Variants in ACSM6 observed in about 807,000 individuals in gnomAD.
ACSM6 encodes acyl-CoA synthetase medium chain family member 6, also known as acyl-coenzyme A synthetase ACSM6, mitochondrial.
Under a neutral mutation model 51.1 loss-of-function variants are expected in ACSM6, and 35 were observed. The observed-to-expected ratio is 0.69, with a 90% confidence interval of 0.52 to 0.91. The LOEUF is 0.91. ACSM6 is among the 40% of genes least tolerant of loss of function. The pLI is 0.00. For missense variants in ACSM6, 509 were observed against 584.1 expected, an observed-to-expected ratio of 0.87 and a Z score of 1.32; for synonymous variants, 172 against 207.3, an observed-to-expected ratio of 0.83 and a Z score of 1.46.
intron 3 of ACSM6, among the ~76,000 whole-genome samples, chr10:95,206,595 C>CAAGCA (rs1171697747): frequency 1.3e-5 from 2 of 152,146 alleles, no homozygotes; most frequent in Non-Finnish European, 2.9e-5. Flanking sequence ...TACTGCAAGA[C>CAAGCA]AAGCAAGGTC....
intron 9 of ACSM6, among the ~76,000 whole-genome samples, chr10:95,221,470 C>T (rs1309504834): frequency 6.6e-6 from 1 of 152,108 alleles, no homozygotes; most frequent in Non-Finnish European, 1.5e-5. Context: ...CCTGTAATCT[C>T]AGCTACTCAG....
At position 95,194,317 on chromosome 10, in the gene ACSM6, C is replaced by G; in HGVS notation, c.-22+14C>G. 3.2e-6 allele frequency: 2 copies of G among 626,426 alleles called. No individual in the cohort carries two copies. The highest frequency in any genetic ancestry group is 5.4e-6 in the Non-Finnish European group (2 of 370,334). The allele number at this position is 626,426 out of a possible 1,614,324, so 38.8% of individuals were successfully genotyped here. On this transcript the variant is annotated intron_variant, in intron 1 of 10. Coordinates refer to ENST00000341686, the Ensembl canonical transcript of ACSM6. ...CTCTTGGAATTGGTAAGTATCTGTG[C>G]TCATGGGCTTCTTCTCCAATGATCT...
chr10:95,206,374 A>G (rs998886309), intron 3 of ACSM6, among the ~76,000 whole-genome samples: 1 of 152,192 alleles, frequency 6.6e-6, no homozygotes, highest in East Asian at 1.9e-4. Flanking sequence ...GTGTAAATAT[A>G]TATACTATAT....
At position 95,207,471 on chromosome 10, in the gene ACSM6, G is replaced by C. The variant is rs114331753; in HGVS notation, c.611+56G>C. 8.4e-5 allele frequency: 130 copies of C among 1,553,536 alleles called. No homozygotes were observed. The African/African-American group carries it at 1.6e-3, about 20-fold the overall frequency. The stretch of plus-strand genomic sequence containing the variant: ...ATGAAGGAAATGTTTGACTTTGAAA[G>C]ATGATGATATATGAGAAAGTGGTGT... On this transcript the variant is annotated intron_variant, in intron 4 of 10. Coordinates refer to ENST00000341686, the Ensembl canonical transcript of ACSM6.
intron 2 of ACSM6, among the ~76,000 whole-genome samples, chr10:95,198,182 T>C (rs944347318): frequency 6.6e-6 from 1 of 151,946 alleles, no homozygotes; most frequent in South Asian, 2.1e-4. Context: ...CCTTTCTACA[T>C]AGACACAGTA....
chr10:95,219,741 C>G, intron 8 of ACSM6, 150 bp from the exon 9 acceptor site: 2 of 574,084 alleles, frequency 3.5e-6, no homozygotes, highest in East Asian at 5.8e-5. Flanking sequence ...TAGTCACACT[C>G]CTGCTTGATT....
At chr10:95,228,644 G>A in exon 11 of ACSM6, 1 of 1,550,822 alleles carries the variant, frequency 6.4e-7, no homozygotes, top group Non-Finnish European at 8.7e-7. Context: ...ATTCTATCAG[G>A]TGAGCTGGGA....
chr10:95,213,328 C>A (rs938371092), intron 7 of ACSM6, among the ~76,000 whole-genome samples: 2 of 152,014 alleles, frequency 1.3e-5, no homozygotes, highest in South Asian at 2.1e-4. Flanking sequence ...TCAGAGCAAA[C>A]GGGAAATGAG....
chr10:95,210,445 C>T (rs556581429), intron 4 of ACSM6, among the ~76,000 whole-genome samples: 1 of 152,232 alleles, frequency 6.6e-6, no homozygotes, highest in East Asian at 1.9e-4. Flanking sequence ...CGTATAAATG[C>T]ATCATATATT....
At chr10:95,212,825 G>A in intron 6 of ACSM6, 33 bp from the exon 7 acceptor site, 1 of 1,524,970 alleles carries the variant, frequency 6.6e-7, no homozygotes, top group Non-Finnish European at 9.1e-7. Context: ...CACCTCACAT[G>A]CAGATTTTGT....
At chr10:95,202,154 C>T (rs897652019) in exon 3 of ACSM6, 4 of 1,552,306 alleles carry the variant, frequency 2.6e-6, no homozygotes, top group South Asian at 1.2e-5. Context: ...TTGCCCCCAA[C>T]ACCTGAAGCC....
At chr10:95,200,748 GAAGTT>G (rs1334230700) in intron 2 of ACSM6, among the ~76,000 whole-genome samples, 3 of 151,622 alleles carry the variant, frequency 2.0e-5, no homozygotes, top group African/African-American at 7.3e-5. Flanking sequence ...AAGGAAGAAA[GAAGTT>G]AAGTTCAGAA....
At chr10:95,197,201 G>T (rs1234929746) in intron 2 of ACSM6, among the ~76,000 whole-genome samples, 1 of 152,132 alleles carries the variant, frequency 6.6e-6, no homozygotes, top group African/African-American at 2.4e-5. Context: ...TCATGAAGGG[G>T]TGGCCTGCCC....
At chr10:95,225,786 G>A (rs689207) in intron 10 of ACSM6, 81,452 of 154,676 alleles carry the variant, frequency 0.53, 22,392 homozygotes, top group Middle Eastern at 0.66. Flanking sequence ...ATTGTACTCA[G>A]ATGTGTTTTA....
At chr10:95,201,823 T>C (rs1014866330) in intron 2 of ACSM6, among the ~76,000 whole-genome samples, 162 bp from the exon 3 acceptor site, 2 of 152,092 alleles carry the variant, frequency 1.3e-5, no homozygotes, top group Non-Finnish European at 2.9e-5. Flanking sequence ...CAGTAAACAG[T>C]AAATATTTCT....
rs74902990 is a variant in ACSM6 at position 95,197,837 on chromosome 10, A to G, written c.192+3160A>G. 4.9e-3 allele frequency among the ~76,000 whole-genome samples: 736 copies of G among 151,750 alleles called. 7 individuals are homozygous for G. The highest frequency in any genetic ancestry group is 0.01 in the South Asian group (49 of 4,810). ...CCACGAGGCCATATTTCAGACTATC[A>G]CATGGGGAGAAACCTTGGACGATAC... On this transcript the variant is annotated intron_variant, in intron 2 of 10. Coordinates refer to ENST00000341686, the Ensembl canonical transcript of ACSM6.
chr10:95,213,505 G>A (rs1179193026), intron 7 of ACSM6, among the ~76,000 whole-genome samples: 1 of 152,100 alleles, frequency 6.6e-6, no homozygotes, highest in African/African-American at 2.4e-5. Flanking sequence ...AGTGAAACTT[G>A]CATTTTTTTC....
chr10:95,227,842 C>T (rs1212493351), intron 10 of ACSM6, among the ~76,000 whole-genome samples: 3 of 152,060 alleles, frequency 2.0e-5, no homozygotes, highest in Non-Finnish European at 2.9e-5. Flanking sequence ...CCAAGGCAGG[C>T]GGATCACCTG....
chr10:95,200,315 G>A (rs2034778805), intron 2 of ACSM6, among the ~76,000 whole-genome samples: 4 of 134,216 alleles, frequency 3.0e-5, no homozygotes, highest in Admixed American at 2.4e-4. Flanking sequence ...CATGGACACA[G>A]GAAGGGGAAC....
Sources: gnomAD v4.1 joint callset for allele counts (sites outside exome capture counted in the v4.1 genomes callset) on GRCh38, gnomAD v4.1.1 for gene constraint, MANE v1.5 for transcripts, NCBI Gene and HGNC (gene_info 2026-07-23, HGNC 2026-07-21) for gene names.